EXOC1: variants seen among roughly 807,000 people sequenced by gnomAD.
EXOC1 encodes SEC3-like 1.
Under a neutral mutation model 107.7 loss-of-function variants are expected in EXOC1, and 67 were observed. The observed-to-expected ratio is 0.62, with a 90% CI of 0.51 to 0.76. EXOC1 has a LOEUF of 0.76. EXOC1 is among the 30% of genes least tolerant of loss of function. The pLI is 0.00. For synonymous variants in EXOC1, 348 were observed against 353.5 expected (o/e 0.98, Z 0.17); for missense variants, 833 against 1,055.7 (o/e 0.79, Z 2.92).
intron 9 of EXOC1, among the ~76,000 whole-genome samples, chr4:55,878,803 A>G (rs1195996931): frequency 3.9e-5 from 6 of 152,220 alleles, no homozygotes; most frequent in Admixed American, 3.9e-4. Context: ...ACCGAAGCAG[A>G]AATTTCCTAT....
In EXOC1 at chr4:55,871,932, CA is replaced by C; in HGVS notation, c.1049del (p.His350ProfsTer24). On this transcript the variant is annotated frameshift_variant, in exon 8 of 19. Transcript: ENST00000381295. LOFTEE classifies it high-confidence loss of function. ...GCTTTTTGCCCGGAGACTGGCCAGTCACCTCAACAATGTTTTTGTTCAACAG... is the reference window on the plus strand; with the variant it reads ...GCTTTTTGCCCGGAGACTGGCCAGTCCCTCAACAATGTTTTTGTTCAACAG... Reference protein sequence around the residue: ...RELFARRLASHLNNVFVQQGH... With the variant: ...RELFARRLASXLNNVFVQQGH... The C allele has an allele frequency of 6.2e-7, 1 of 1,613,728 alleles. No individual in the cohort carries two copies. The highest frequency in any genetic ancestry group is 8.5e-7 in the Non-Finnish European group (1 of 1,179,774).
rs143045485 is a variant in EXOC1, at chr4:55,871,178, C to G, written c.909C>G (p.Ala303=). The stretch of plus-strand genomic sequence containing the variant: ...TTGCTTCTTCCAGAGGCATTGAGGC[C>G]TGCACCAATGCTGCTGATGCCCTTC... The part of the protein sequence containing the change: ...GDLASSRGIE[A]CTNAADALLQ... Residue 303 remains alanine, a synonymous_variant, in exon 7 of 19, where the codon GCC becomes GCG. Transcript: ENST00000381295. 50 of 1,613,870 alleles carry G rather than the reference C, an allele frequency of 3.1e-5. No homozygotes were observed. In the African/African-American group the frequency reaches 5.6e-4, roughly 18 times the overall value.
intron 14 of EXOC1, 105 bp downstream of exon 14, chr4:55,892,816 C>G (rs1156508164): frequency 2.0e-6 from 2 of 986,660 alleles, no homozygotes. Flanking sequence ...CCTGACAGCA[C>G]TCACAGTACC....
chr4:55,890,476 GTTC>G, intron 12 of EXOC1, 90 bp downstream of exon 12: 2 of 1,074,826 alleles, frequency 1.9e-6, no homozygotes, highest in South Asian at 3.1e-5. Flanking sequence ...AAAGATTTGG[GTTC>G]TTCTGGCTCT....
chr4:55,903,773 G>T (rs1049281230), intron 18 of EXOC1, among the ~76,000 whole-genome samples: 2 of 152,072 alleles, frequency 1.3e-5, no homozygotes, highest in African/African-American at 2.4e-5. Context: ...CTTGGTAATT[G>T]TCTACATATT....
At chr4:55,876,617 G>A (rs1478578635) in intron 8 of EXOC1, 20 of 985,280 alleles carry the variant, frequency 2.0e-5, no homozygotes, top group South Asian at 9.4e-5. Flanking sequence ...AACATCTGTG[G>A]TAGCTGTGAA....
At chr4:55,856,174 G>A (rs1405805601) in intron 1 of EXOC1, among the ~76,000 whole-genome samples, 1 of 152,256 alleles carries the variant, frequency 6.6e-6, no homozygotes, top group African/African-American at 2.4e-5. Flanking sequence ...CACGCAATGA[G>A]CGTGGATATG....
At position 55,876,121 on chromosome 4, in the gene EXOC1, T is replaced by C. The variant is rs1722876155; in HGVS notation, c.1075-1796T>C. ...ATAGTCCAATGGTAATGCCTGTGTATTTTACTTAATATTATTGATTTTGTT... is the reference window on the plus strand; with the variant it reads ...ATAGTCCAATGGTAATGCCTGTGTACTTTACTTAATATTATTGATTTTGTT... On this transcript the variant is annotated intron_variant, in intron 8 of 18. Coordinates refer to ENST00000381295, the MANE Select transcript of EXOC1 (RefSeq NM_001024924.2). 6 of 985,108 alleles carry C rather than the reference T, an allele frequency of 6.1e-6. No homozygotes were observed. In the African/African-American group the frequency reaches 1.0e-4, roughly 17 times the overall value. 61.0% of individuals were successfully genotyped at this position (985,108 alleles called of 1,614,324 possible). A position where few individuals can be genotyped will look rare whatever the true frequency, so the allele number is the denominator to read the frequency against.
chr4:55,896,007 C>A (rs1725161421), intron 15 of EXOC1, among the ~76,000 whole-genome samples: 1 of 152,160 alleles, frequency 6.6e-6, no homozygotes, highest in Non-Finnish European at 1.5e-5. Flanking sequence ...CGGAGGGATC[C>A]TATAGGTGCT....
At chr4:55,869,994 T>C (rs889778258) in intron 5 of EXOC1, among the ~76,000 whole-genome samples, 3 of 152,072 alleles carry the variant, frequency 2.0e-5, no homozygotes, top group Non-Finnish European at 4.4e-5. Context: ...TCAGAATCAA[T>C]AGTCAGAATC....
chr4:55,867,015 G>T (rs962396296), intron 4 of EXOC1: 2 of 387,364 alleles, frequency 5.2e-6, no homozygotes, highest in Non-Finnish European at 7.0e-6. Context: ...AATCTACATA[G>T]TAATAAAATT....
Position 55,858,441 on chromosome 4 carries a change from G to GCCAC in EXOC1, c.119_122dup (p.Val42HisfsTer5). On this transcript the variant is annotated frameshift_variant, in exon 2 of 19. Transcript: ENST00000381295. LOFTEE classifies it high-confidence loss of function. ...AAAGAAAAAGAACTGTTTTTTATGT[G>GCCAC]CCACAGGTGGGTATTTAGTAAGAAA... 6.3e-7 allele frequency: 1 copy of GCCAC among 1,594,392 alleles called. No homozygotes were observed. The highest frequency in any genetic ancestry group is 8.5e-7 in the Non-Finnish European group (1 of 1,171,942).
chr4:55,888,790 T>G, intron 10 of EXOC1, 98 bp from the exon 11 acceptor site: 2 of 1,267,462 alleles, frequency 1.6e-6, no homozygotes, highest in South Asian at 2.5e-5. Context: ...ATGTGTCTTT[T>G]AAACTAGAGC....
In EXOC1 at chr4:55,899,791, A is replaced by C. The variant is rs1413004141; in HGVS notation, c.2244A>C (p.Leu748=). The change falls in exon 17 of 19, where the codon CTA becomes CTC. Residue 748 remains leucine (L), a synonymous_variant. Transcript: ENST00000381295. ...ATLSRLKISC[L]EAEKKEAKQK... is the part of the protein sequence containing the mutation. ...TTTCTCGATTGAAAATCTCATGTCT[A>C]GAAGCAGAAAAAAAAGAAGCCAAAC... 6.2e-7 allele frequency: 1 copy of C among 1,613,684 alleles called. No homozygotes were observed. Among genetic ancestry groups the C allele is most frequent in the Admixed American group, 1.7e-5 (1 of 60,000 alleles).
chr4:55,896,908 T>G lies in EXOC1; in HGVS notation c.2137+8T>G, dbSNP rs1356937990. ...GAGGAGTATTTGTTAATGGTAAGCT[T>G]TTGTTATGTTCTAAAGAATTGTTAT... On this transcript the variant is annotated splice_region_variant and intron_variant, in intron 16 of 18. Coordinates refer to ENST00000381295, the MANE Select transcript of EXOC1 (RefSeq NM_001024924.2). The G allele has an allele frequency of 1.3e-6, 2 of 1,578,486 alleles. No homozygotes were observed. Among genetic ancestry groups the G allele is most frequent in the Non-Finnish European group, 1.7e-6 (2 of 1,169,176 alleles).
At position 55,891,320 on chromosome 4, in the gene EXOC1, T is replaced by A. The variant is rs755040052; in HGVS notation, c.1545T>A (p.Phe515Leu). Residue 515 changes from phenylalanine (F) to leucine (L), a missense_variant, in exon 13 of 19, where the codon TTT becomes TTA. Physicochemically the swap from Phe to Leu is conservative, Grantham distance 22. This residue lies in a region of EXOC1 where 617 missense variants were observed against 701.3 expected (regional missense o/e 0.88). Coordinates refer to ENST00000381295, the MANE Select transcript of EXOC1 (RefSeq NM_001024924.2). ...VADRTKFDKIFEQVLSELEPL... is the reference protein window; with the variant it reads ...VADRTKFDKILEQVLSELEPL... ...ATCACTTTGGTTTTCTTCAGATCTTTGAACAGGTACTAAGTGAACTGGAGC... is the reference window on the plus strand; with the variant it reads ...ATCACTTTGGTTTTCTTCAGATCTTAGAACAGGTACTAAGTGAACTGGAGC... 1.2e-6 allele frequency: 2 copies of A among 1,612,436 alleles called. No homozygotes were observed. The highest frequency in any genetic ancestry group is 1.7e-5 in the Admixed American group (1 of 59,958).
chr4:55,870,165 A>C (rs1337361026), intron 5 of EXOC1, among the ~76,000 whole-genome samples: 1 of 152,214 alleles, frequency 6.6e-6, no homozygotes, highest in Non-Finnish European at 1.5e-5. Flanking sequence ...TACAGTTATA[A>C]ATTAGTTTCA....
At chr4:55,889,041 T>A in intron 11 of EXOC1, 109 bp downstream of exon 11, 1 of 1,018,378 alleles carries the variant, frequency 9.8e-7, no homozygotes, top group Non-Finnish European at 1.5e-6. Flanking sequence ...TTGCTCTGAA[T>A]TGCCAGGTAT....
chr4:55,868,097 T>G lies in EXOC1; in HGVS notation c.416-239T>G, dbSNP rs114537750. ...CTGTGGTGAAAGCCTGTTTTAACAT[T>G]TGTAAGTTAGTGCATTAGACTGCAT... On this transcript the variant is annotated intron_variant, in intron 4 of 18. Transcript: ENST00000381295. 7.9e-3 allele frequency among the ~76,000 whole-genome samples: 1,201 copies of G among 152,312 alleles called. 23 individuals are homozygous for G. The highest frequency in any genetic ancestry group is 0.027 in the African/African-American group (1,120 of 41,584).
Sources: gnomAD v4.1 joint callset for allele counts (sites outside exome capture counted in the v4.1 genomes callset) on GRCh38, gnomAD v4.1.1 for gene constraint, gnomAD v4.1.1 regional missense constraint, MANE v1.5 for transcripts, NCBI Gene and HGNC (gene_info 2026-07-23, HGNC 2026-07-21) for gene names.